Variants in DLGAP2 observed in about 807,000 individuals in gnomAD.
DLGAP2 encodes the protein DLG associated protein 2, also known as disks large-associated protein 2.
DLGAP2 carries 26 observed loss-of-function variants against 100.3 expected under a neutral mutation model. That is an observed-to-expected ratio of 0.26 (90% CI 0.19 to 0.36). The LOEUF (loss-of-function observed/expected upper bound fraction) is 0.36. Ranked by LOEUF, DLGAP2 falls within the 10% of genes least tolerant of loss-of-function variation. The probability of loss-of-function intolerance (pLI) is 1.00; values close to 1 mark genes in which losing one functional copy is unlikely to be tolerated. For synonymous variants in DLGAP2, 886 were observed against 630.1 expected (o/e 1.41, Z -6.08); for missense variants, 1,858 against 1,453.2 (o/e 1.28, Z -4.53).
At chr8:1,001,483 A>ATG (rs770866914) in intron 2 of DLGAP2, among the ~76,000 whole-genome samples, 8 of 152,190 alleles carry the variant, frequency 5.3e-5, no homozygotes, top group Non-Finnish European at 8.8e-5. Flanking sequence ...ACTATTATTG[A>ATG]TGAGAGCAAA....
chr8:896,520 C>A (rs1258260899), intron 1 of DLGAP2, among the ~76,000 whole-genome samples: 1 of 152,128 alleles, frequency 6.6e-6, no homozygotes, highest in African/African-American at 2.4e-5. Context: ...CATGTCCCCC[C>A]AAATTCCTAT....
At chr8:802,570 C>G (rs1236480853) in intron 1 of DLGAP2, among the ~76,000 whole-genome samples, 3 of 152,212 alleles carry the variant, frequency 2.0e-5, no homozygotes, top group Non-Finnish European at 4.4e-5. Context: ...GTGCCAGGCG[C>G]TCAGGGGCTG....
At chr8:882,398 C>A (rs1452804890) in intron 1 of DLGAP2, among the ~76,000 whole-genome samples, 2 of 148,984 alleles carry the variant, frequency 1.3e-5, no homozygotes, top group Non-Finnish European at 3.0e-5. Context: ...GTACCTCTCC[C>A]TGCGGAGGCC....
intron 3 of DLGAP2, among the ~76,000 whole-genome samples, chr8:1,428,464 A>AT (rs1797300147): frequency 6.6e-5 from 10 of 152,124 alleles, no homozygotes; most frequent in African/African-American, 2.4e-4. Context: ...GGGAATACAA[A>AT]AGAGGGGAAA....
intron 3 of DLGAP2, among the ~76,000 whole-genome samples, chr8:1,265,601 C>A (rs1035825816): frequency 6.6e-6 from 1 of 152,194 alleles, no homozygotes; most frequent in African/African-American, 2.4e-5. Flanking sequence ...CCTCTTTGAT[C>A]TAAAGACTCC....
At chr8:1,549,753 A>G in intron 5 of DLGAP2, 70 bp downstream of exon 5, 1 of 1,414,560 alleles carries the variant, frequency 7.1e-7, no homozygotes, top group East Asian at 2.5e-5. Context: ...TTCCTTTTTT[A>G]ATTGACAGAT....
chr8:880,304 C>T (rs909895628), intron 1 of DLGAP2, among the ~76,000 whole-genome samples: 3 of 152,204 alleles, frequency 2.0e-5, no homozygotes, highest in Non-Finnish European at 2.9e-5. Flanking sequence ...ATCCTGCCAC[C>T]GAGGCCATGC....
At chr8:1,088,797 A>G (rs1033954828) in intron 2 of DLGAP2, among the ~76,000 whole-genome samples, 4 of 9,624 alleles carry the variant, frequency 4.2e-4, no homozygotes, top group East Asian at 2.7e-3. Context: ...CACTCCCCCC[A>G]CCCCACTCTC....
intron 10 of DLGAP2, among the ~76,000 whole-genome samples, chr8:1,672,750 C>T (rs897385082): frequency 6.6e-6 from 1 of 152,258 alleles, no homozygotes; most frequent in Non-Finnish European, 1.5e-5. Flanking sequence ...CTCAAAGCCT[C>T]ACAGGCAGGG....
At position 1,183,626 on chromosome 8, in the gene DLGAP2, G is replaced by A. The variant is rs565338931; in HGVS notation, c.74-75225G>A. 6.6e-5 allele frequency among the ~76,000 whole-genome samples: 10 copies of A among 152,296 alleles called. No homozygotes were observed. In the South Asian group the frequency reaches 1.5e-3, roughly 22 times the overall value. On this transcript the variant is annotated intron_variant, in intron 2 of 14. Transcript: ENST00000637795. Reference sequence around the variant, plus strand: ...GGCGGAGGTTTGCGAGGGAGGCACCGCTCCTGGCTTGAGTAAGTCCACAGG... The same window carrying A: ...GGCGGAGGTTTGCGAGGGAGGCACCACTCCTGGCTTGAGTAAGTCCACAGG...
chr8:1,479,094 G>A (rs1799017586), intron 3 of DLGAP2, among the ~76,000 whole-genome samples: 2 of 152,270 alleles, frequency 1.3e-5, no homozygotes, highest in Admixed American at 1.3e-4. Flanking sequence ...CTCTGAGGGT[G>A]GAGCAGGGTG....
intron 3 of DLGAP2, among the ~76,000 whole-genome samples, chr8:1,485,859 TACTAA>T (rs1170771709): frequency 6.6e-6 from 1 of 152,104 alleles, no homozygotes; most frequent in African/African-American, 2.4e-5. Context: ...ACCCCATCTC[TACTAA>T]AATACAAAAA....
chr8:1,622,935 C>T (rs1797384467), intron 6 of DLGAP2, among the ~76,000 whole-genome samples: 1 of 152,134 alleles, frequency 6.6e-6, no homozygotes, highest in South Asian at 2.1e-4. Flanking sequence ...CCTGTGTCAC[C>T]TGGCGGGGCC....
chr8:1,418,568 T>G (rs545074636), intron 3 of DLGAP2, among the ~76,000 whole-genome samples: 6 of 152,184 alleles, frequency 3.9e-5, no homozygotes, highest in Non-Finnish European at 5.9e-5. Flanking sequence ...TCTCTCTGCA[T>G]TCACACGACA....
chr8:1,079,184 C>T lies in DLGAP2; in HGVS notation c.73+171218C>T, dbSNP rs181203567. Among the ~76,000 whole-genome samples the T allele has an allele frequency of 2.6e-5, 4 of 152,160 alleles. No homozygotes were observed. The East Asian group carries it at 5.8e-4, about 22-fold the overall frequency. On this transcript the variant is annotated intron_variant, in intron 2 of 14. Coordinates refer to ENST00000637795, the MANE Select transcript of DLGAP2 (RefSeq NM_001346810.2). ...AGTGTCTTTTCAGATGTTTGTTGCC[C>T]TCTACATATGTTCCTTGGTGAGGTG... is the stretch of plus-strand genomic sequence containing the variant.
At chr8:1,268,353 A>G (rs1799510299) in intron 3 of DLGAP2, among the ~76,000 whole-genome samples, 1 of 152,214 alleles carries the variant, frequency 6.6e-6, no homozygotes. Flanking sequence ...AGATGGAAAT[A>G]TATGCAATTG....
chr8:1,534,064 A>G lies in DLGAP2; in HGVS notation c.173-14562A>G, dbSNP rs184157746. On this transcript the variant is annotated intron_variant, in intron 4 of 14. Coordinates refer to ENST00000637795, the MANE Select transcript of DLGAP2 (RefSeq NM_001346810.2). The stretch of plus-strand genomic sequence containing the variant: ...CATTCTTCTTTTGCTGTATTCTGAT[A>G]TATACATTTGGAAATTGTCAGCAGG... Among the ~76,000 whole-genome samples the G allele has an allele frequency of 2.1e-3, 315 of 152,368 alleles. 1 individual carries two copies. Among genetic ancestry groups the G allele is most frequent in the Middle Eastern group, 0.01 (3 of 294 alleles).
intron 2 of DLGAP2, among the ~76,000 whole-genome samples, chr8:1,205,123 C>T (rs192371979): frequency 1.6e-4 from 25 of 152,342 alleles, no homozygotes; most frequent in Non-Finnish European, 3.1e-4. Flanking sequence ...GTGGGAATTT[C>T]TGCATCTCAC....
chr8:1,652,046 T>C (rs1364122222), intron 8 of DLGAP2, among the ~76,000 whole-genome samples: 1 of 152,280 alleles, frequency 6.6e-6, no homozygotes, highest in African/African-American at 2.4e-5. Flanking sequence ...TCCTTGAGAA[T>C]TAAGTTGGTT....
Sources: gnomAD v4.1 joint callset for allele counts (sites outside exome capture counted in the v4.1 genomes callset) on GRCh38, gnomAD v4.1.1 for gene constraint, MANE v1.5 for transcripts, NCBI Gene and HGNC (gene_info 2026-07-23, HGNC 2026-07-21) for gene names.